ANKFN1: variants seen among roughly 807,000 people sequenced by gnomAD.
The protein encoded by ANKFN1 is ankyrin repeat and fibronectin type-III domain-containing protein 1.
A neutral mutation model predicts 108.7 loss-of-function variants in ANKFN1; 74 were observed. The observed-to-expected ratio is 0.68, with a 90% confidence interval of 0.56 to 0.83. The LOEUF is 0.83. Among genes scored for constraint, ANKFN1 ranks in the 40% least tolerant of loss-of-function variants. The probability of loss-of-function intolerance (pLI) is 0.00; values close to 1 mark genes in which losing one functional copy is unlikely to be tolerated. For missense variants in ANKFN1, 1,505 were observed against 1,382.3 expected (o/e 1.09, Z -1.41); for synonymous variants, 547 against 516.2 (o/e 1.06, Z -0.81).
intron 8 of ANKFN1, among the ~76,000 whole-genome samples, chr17:56,384,181 A>C (rs1049079963): frequency 2.0e-5 from 3 of 152,222 alleles, no homozygotes; most frequent in African/African-American, 7.2e-5. Flanking sequence ...AATATACGCA[A>C]ATCAATAAAT....
intron 4 of ANKFN1, among the ~76,000 whole-genome samples, chr17:56,078,674 A>G (rs931201786): frequency 5.3e-5 from 8 of 152,198 alleles, no homozygotes; most frequent in Non-Finnish European, 1.2e-4. Flanking sequence ...CTCTTTCTGA[A>G]AGTCACAGAA....
intron 4 of ANKFN1, among the ~76,000 whole-genome samples, chr17:56,054,555 T>A (rs555438961): frequency 6.6e-6 from 1 of 152,214 alleles, no homozygotes; most frequent in Non-Finnish European, 1.5e-5. Context: ...TATTCTGTAG[T>A]CTATTAAGTT....
chr17:56,442,951 A>G lies in ANKFN1; in HGVS notation c.1099+18A>G, dbSNP rs191195024. The G allele has an allele frequency of 1.2e-6, 2 of 1,611,762 alleles. No individual in the cohort carries two copies. The highest frequency in any genetic ancestry group is 1.7e-6 in the Non-Finnish European group (2 of 1,178,448). On this transcript the variant is annotated intron_variant, in intron 10 of 20. Transcript: ENST00000682825. ...TCCTTCTAGTAGGTGGTGGCTGTGA[A>G]CTCTCTCCAGCATGGTAACAGACTC...
At chr17:56,486,616 A>G (rs578044180) in intron 18 of ANKFN1, among the ~76,000 whole-genome samples, 1 of 152,308 alleles carries the variant, frequency 6.6e-6, no homozygotes, top group African/African-American at 2.4e-5. Flanking sequence ...CCTCTCTAAG[A>G]AGGATGCTAA....
rs559939192 is a variant in ANKFN1 at position 56,514,976 on chromosome 17, G to A, written c.*3707G>A. 1.3e-4 allele frequency among the ~76,000 whole-genome samples: 20 copies of A among 151,982 alleles called. No individual in the cohort carries two copies. Among genetic ancestry groups the A allele is most frequent in the Admixed American group, 4.6e-4 (7 of 15,264 alleles). ...TCCCTTGAAGATAACTCTGTTAGAC[G>A]AGGAGGCATCCCAGAAAATACCTGC... On this transcript the variant is annotated 3_prime_UTR_variant, in exon 21 of 21. Coordinates refer to ENST00000682825, the MANE Select transcript of ANKFN1 (RefSeq NM_001370326.1).
At chr17:56,206,994 C>G (rs1914592235) in intron 1 of ANKFN1, 1 of 152,292 alleles carries the variant, frequency 6.6e-6, no homozygotes, top group Non-Finnish European at 1.5e-5. Context: ...AGCCCAGCAT[C>G]CTCTACCTCT....
At chr17:56,046,830 A>G (rs1225032820) in intron 4 of ANKFN1, among the ~76,000 whole-genome samples, 1 of 152,200 alleles carries the variant, frequency 6.6e-6, no homozygotes, top group Admixed American at 6.5e-5. Flanking sequence ...TTAACCTCTC[A>G]GTTGTCAATG....
At chr17:56,209,778 G>GT (rs1258892639) in intron 1 of ANKFN1, among the ~76,000 whole-genome samples, 1 of 152,086 alleles carries the variant, frequency 6.6e-6, no homozygotes, top group Non-Finnish European at 1.5e-5. Context: ...GCCAAGCAGT[G>GT]TACACTGTAC....
At chr17:56,381,378 G>T (rs545758841) in intron 8 of ANKFN1, among the ~76,000 whole-genome samples, 6 of 152,204 alleles carry the variant, frequency 3.9e-5, no homozygotes, top group Non-Finnish European at 7.3e-5. Flanking sequence ...AAAGCAGAGT[G>T]CCTCTCCTCC....
At chr17:56,053,374 ACC>A (rs1904811171) in intron 4 of ANKFN1, among the ~76,000 whole-genome samples, 1 of 152,014 alleles carries the variant, frequency 6.6e-6, no homozygotes, top group Non-Finnish European at 1.5e-5. Context: ...AATTTTTAGC[ACC>A]CACAAGTGTA....
At chr17:56,427,993 A>G (rs184751868) in intron 8 of ANKFN1, among the ~76,000 whole-genome samples, 71 of 152,190 alleles carry the variant, frequency 4.7e-4, no homozygotes, top group African/African-American at 1.6e-3. Flanking sequence ...AGCACTTTGG[A>G]AGGCCAAAGC....
intron 4 of ANKFN1, among the ~76,000 whole-genome samples, chr17:56,326,658 C>A (rs1315732463): frequency 1.3e-5 from 2 of 152,184 alleles, no homozygotes; most frequent in Non-Finnish European, 2.9e-5. Context: ...AACTGATTAG[C>A]ATTGGCTATG....
chr17:56,422,759 G>C (rs1315991629), intron 8 of ANKFN1, among the ~76,000 whole-genome samples: 1 of 151,978 alleles, frequency 6.6e-6, no homozygotes, highest in Non-Finnish European at 1.5e-5. Flanking sequence ...TTTCACCCTT[G>C]ACCCAATGCT....
At chr17:56,467,761 AAGAAAGAAAGAAAGAAAGAAAG>A (rs1568025831) in intron 15 of ANKFN1, among the ~76,000 whole-genome samples, 35 of 33,320 alleles carry the variant, frequency 1.1e-3, no homozygotes, top group Non-Finnish European at 1.5e-3. Flanking sequence ...GAAAGAAAGA[AAGAAAGAAAGAAAGAAAGAAAG>A]AAAGAAAGAA....
intron 17 of ANKFN1, among the ~76,000 whole-genome samples, chr17:56,481,682 G>A (rs575103817): frequency 2.0e-5 from 3 of 152,210 alleles, no homozygotes; most frequent in East Asian, 3.9e-4. Flanking sequence ...GTGCTCTTTC[G>A]ATTTTAAGTC....
chr17:56,221,983 T>C lies in ANKFN1; in HGVS notation c.13-5934T>C, dbSNP rs747727240. 2.6e-4 allele frequency among the ~76,000 whole-genome samples: 39 copies of C among 152,144 alleles called. 1 individual carries two copies. The highest frequency in any genetic ancestry group is 5.9e-4 in the Admixed American group (9 of 15,274). The stretch of plus-strand genomic sequence containing the variant: ...GCCTACTGCCCTGTGTGGAAACTTG[T>C]AAGAAATGCAGAATTCCAGTCCCCA... On this transcript the variant is annotated intron_variant, in intron 2 of 20. Transcript: ENST00000682825.
chr17:56,498,808 G>T, intron 19 of ANKFN1, 74 bp from the exon 20 acceptor site: 1 of 1,242,684 alleles, frequency 8.0e-7, no homozygotes, highest in Non-Finnish European at 1.1e-6. Flanking sequence ...GGATCATCTT[G>T]GACTCTCAGG....
intron 3 of ANKFN1, among the ~76,000 whole-genome samples, chr17:56,312,365 T>C (rs1289495192): frequency 1.3e-5 from 2 of 152,084 alleles, no homozygotes; most frequent in Non-Finnish European, 2.9e-5. Context: ...AGACCCAGAG[T>C]ATAAAAGAAA....
At position 56,399,838 on chromosome 17, in the gene ANKFN1, A is replaced by ATT. The variant is rs1202481823; in HGVS notation, c.910+25129_910+25130dup. ...CCTTTTTATGGCTGAGTAGTATTCC[A>ATT]TTTTTTATATATATATATATATATA... is the stretch of plus-strand genomic sequence containing the variant. On this transcript the variant is annotated intron_variant, in intron 8 of 20. Transcript: ENST00000682825. Among the ~76,000 whole-genome samples, 186 of 42,642 alleles carry ATT rather than the reference A, an allele frequency of 4.4e-3. 2 individuals carry two copies. The highest frequency in any genetic ancestry group is 6.5e-3 in the Non-Finnish European group (148 of 22,602). The allele number at this position is 42,642 out of a possible 152,430, so 28.0% of individuals were successfully genotyped here.
Sources: gnomAD v4.1 joint callset for allele counts (sites outside exome capture counted in the v4.1 genomes callset) on GRCh38, gnomAD v4.1.1 for gene constraint, MANE v1.5 for transcripts, NCBI Gene and HGNC (gene_info 2026-07-23, HGNC 2026-07-21) for gene names.